The following NKAIN1 variants were observed in gnomAD, a reference collection of about 807,000 sequenced individuals.
NKAIN1 encodes sodium/potassium-transporting ATPase subunit beta-1-interacting protein 1.
NKAIN1 carries 13 observed loss-of-function variants against 31.6 expected under a neutral mutation model. The observed-to-expected ratio is 0.41, with a 90% confidence interval of 0.27 to 0.65. The LOEUF is 0.65. Among genes scored for constraint, NKAIN1 ranks in the 30% least tolerant of loss-of-function variants. The pLI is 0.30. For missense variants in NKAIN1, 193 were observed against 262.2 expected (o/e 0.74, Z 1.82); for synonymous variants, 104 against 109.0 (o/e 0.95, Z 0.28).
intron 1 of NKAIN1, among the ~76,000 whole-genome samples, chr1:31,236,371 T>C (rs370273936): frequency 1.8e-4 from 27 of 152,348 alleles, no homozygotes; most frequent in East Asian, 1.5e-3. Flanking sequence ...TTGTAACGAT[T>C]AAACTCCATT....
intron 1 of NKAIN1, among the ~76,000 whole-genome samples, chr1:31,214,381 A>C (rs1029495707): frequency 6.6e-6 from 1 of 152,122 alleles, no homozygotes; most frequent in South Asian, 2.1e-4. Context: ...CAACTTTATG[A>C]ATACACTGAA....
intron 3 of NKAIN1, 42 bp downstream of exon 3, chr1:31,185,205 G>C (rs1570448908): frequency 6.6e-7 from 1 of 1,517,872 alleles, no homozygotes; most frequent in South Asian, 1.2e-5. Context: ...GGATGGGAAT[G>C]GTCAGGCTCT....
At chr1:31,230,840 C>A (rs1389332382) in intron 1 of NKAIN1, among the ~76,000 whole-genome samples, 4 of 148,408 alleles carry the variant, frequency 2.7e-5, no homozygotes, top group African/African-American at 5.0e-5. Flanking sequence ...TTTATCCTTT[C>A]TTTGTGTTAC....
chr1:31,215,081 A>T (rs1172191990), intron 1 of NKAIN1, among the ~76,000 whole-genome samples: 1 of 40,544 alleles, frequency 2.5e-5, no homozygotes, highest in Non-Finnish European at 8.0e-5. Flanking sequence ...GTGGGAGGAG[A>T]AAAAAATCCA....
At chr1:31,194,516 C>G (rs1304717650) in intron 1 of NKAIN1, among the ~76,000 whole-genome samples, 1 of 149,252 alleles carries the variant, frequency 6.7e-6, no homozygotes, top group African/African-American at 2.5e-5. Context: ...AAGTGATTCT[C>G]CTGCCTCAGC....
chr1:31,185,338 C>T lies in NKAIN1; in HGVS notation c.193-11G>A. ...CAGCCAGGCTGCATACTGGGGAAAG[C>T]AGAGGTGGGATCAGGGTGGGGCCTG... On this transcript the variant is annotated splice_polypyrimidine_tract_variant and intron_variant, in intron 2 of 6. Coordinates refer to ENST00000373736, the MANE Select transcript of NKAIN1 (RefSeq NM_024522.3). 1 of 1,601,648 alleles carries T rather than the reference C, an allele frequency of 6.2e-7. No individual in the cohort carries two copies.
chr1:31,188,809 A>G (rs985029998), intron 1 of NKAIN1, among the ~76,000 whole-genome samples: 5 of 152,080 alleles, frequency 3.3e-5, no homozygotes, highest in African/African-American at 1.2e-4. Context: ...TGAAAAATGC[A>G]TGCATCCAGT....
intron 1 of NKAIN1, among the ~76,000 whole-genome samples, chr1:31,198,388 T>G (rs1645347622): frequency 6.6e-6 from 1 of 152,020 alleles, no homozygotes; most frequent in African/African-American, 2.4e-5. Context: ...CATTGTGAAC[T>G]CCATATGCCC....
chr1:31,239,206 C>G lies in NKAIN1; in HGVS notation c.54+288G>C, dbSNP rs1446491033. On this transcript the variant is annotated intron_variant, in intron 1 of 6. Coordinates refer to ENST00000373736, the MANE Select transcript of NKAIN1 (RefSeq NM_024522.3). The surrounding 1 kb of genome is among the most constrained non-coding windows in gnomAD (Gnocchi z 4.8). ...CAAGCCACCGTCCCACAGCGCATCCCCCAACAGGAGGCCACTTGTACAGTG... is the reference window on the plus strand; with the variant it reads ...CAAGCCACCGTCCCACAGCGCATCCGCCAACAGGAGGCCACTTGTACAGTG... 6.6e-6 allele frequency among the ~76,000 whole-genome samples: 1 copy of G among 152,204 alleles called. No individual in the cohort carries two copies. Among genetic ancestry groups the G allele is most frequent in the Non-Finnish European group, 1.5e-5 (1 of 68,044 alleles).
At chr1:31,235,701 C>T (rs573916297) in intron 1 of NKAIN1, among the ~76,000 whole-genome samples, 4 of 152,312 alleles carry the variant, frequency 2.6e-5, no homozygotes, top group Admixed American at 1.3e-4. Flanking sequence ...CTGACAAGTA[C>T]AGCTGGCAGG....
intron 1 of NKAIN1, among the ~76,000 whole-genome samples, chr1:31,224,726 G>A (rs914413172): frequency 6.6e-6 from 1 of 152,238 alleles, no homozygotes; most frequent in African/African-American, 2.4e-5. Context: ...AAGGCACCTG[G>A]ATCCAGAGCC....
chr1:31,211,223 T>A (rs1018211861), intron 1 of NKAIN1, among the ~76,000 whole-genome samples: 2 of 152,232 alleles, frequency 1.3e-5, no homozygotes, highest in East Asian at 3.8e-4. Flanking sequence ...AACTATTTGC[T>A]AATTGCAGAT....
chr1:31,190,295 C>A (rs1002471440), intron 1 of NKAIN1, among the ~76,000 whole-genome samples: 1 of 152,178 alleles, frequency 6.6e-6, no homozygotes, highest in Non-Finnish European at 1.5e-5. Flanking sequence ...CCAACCTTGG[C>A]ATTTACCCAC....
intron 1 of NKAIN1, among the ~76,000 whole-genome samples, chr1:31,213,170 C>A (rs532230862): frequency 3.4e-5 from 5 of 148,196 alleles, no homozygotes; most frequent in Non-Finnish European, 7.4e-5. Context: ...CAATATGAGA[C>A]AATGTTTGCC....
chr1:31,206,393 T>C (rs1405535652), intron 1 of NKAIN1, among the ~76,000 whole-genome samples: 1 of 151,654 alleles, frequency 6.6e-6, no homozygotes, highest in African/African-American at 2.4e-5. Flanking sequence ...TATAGTAGTA[T>C]GTGGTTTTTA....
At position 31,195,124 on chromosome 1, in the gene NKAIN1, C is replaced by CTTTTTTTTTT. The variant is rs112786243; in HGVS notation, c.55-6947_55-6938dup. ...TCTCTTCTCTATATATTCCTTCCTC[C>CTTTTTTTTTT]TTTTTTTTTTTTTTTTTGAGTCTCG... On this transcript the variant is annotated intron_variant, in intron 1 of 6. Coordinates refer to ENST00000373736, the MANE Select transcript of NKAIN1 (RefSeq NM_024522.3). 8.8e-5 allele frequency among the ~76,000 whole-genome samples: 11 copies of CTTTTTTTTTT among 125,442 alleles called. 1 individual carries two copies. The East Asian group carries it at 2.8e-3, about 32-fold the overall frequency. The allele number at this position is 125,442 out of a possible 152,430, so 82.3% of individuals were successfully genotyped here. A position where few individuals can be genotyped will look rare whatever the true frequency, so the allele number is the denominator to read the frequency against.
intron 1 of NKAIN1, among the ~76,000 whole-genome samples, chr1:31,211,361 C>T (rs951919919): frequency 6.6e-6 from 1 of 152,118 alleles, no homozygotes; most frequent in Non-Finnish European, 1.5e-5. Flanking sequence ...TACACATTGA[C>T]AATGAACAAT....
In NKAIN1 at chr1:31,228,248, C is replaced by T. The variant is rs74525678; in HGVS notation, c.54+11246G>A. On this transcript the variant is annotated intron_variant, in intron 1 of 6. Coordinates refer to ENST00000373736, the MANE Select transcript of NKAIN1 (RefSeq NM_024522.3). Reference sequence around the variant, plus strand: ...AGGCTGGGGCTGTGGAACATGCCCACCTCCTCCCAAAAAACAGGCTTAGGA... The same window carrying T: ...AGGCTGGGGCTGTGGAACATGCCCATCTCCTCCCAAAAAACAGGCTTAGGA... 6.6e-3 allele frequency among the ~76,000 whole-genome samples: 1,001 copies of T among 152,200 alleles called. 62 individuals carry two copies. The East Asian group carries it at 0.13, about 20-fold the overall frequency.
chr1:31,225,216 T>C (rs537664030), intron 1 of NKAIN1, among the ~76,000 whole-genome samples: 1 of 150,542 alleles, frequency 6.6e-6, no homozygotes, highest in Non-Finnish European at 1.5e-5. Flanking sequence ...TTAGTAGAGA[T>C]GGGGTTTCAC....
Sources: allele counts gnomAD v4.1 joint callset (sites outside exome capture counted in the v4.1 genomes callset), GRCh38; gene constraint gnomAD v4.1.1; non-coding constraint Gnocchi (gnomAD v3.1); transcripts MANE v1.5; gene names NCBI Gene and HGNC (gene_info 2026-07-23, HGNC 2026-07-21).